Variants in TAF13 observed in about 807,000 individuals in gnomAD.
The protein encoded by TAF13 is TATA-box binding protein associated factor 13.
A neutral mutation model predicts 18.7 loss-of-function variants in TAF13; 9 were observed. The ratio of observed to expected loss-of-function variants is 0.48; its 90% CI spans 0.29 to 0.84. The LOEUF (loss-of-function observed/expected upper bound fraction) is 0.84, where lower values mean the gene tolerates loss of function less well. TAF13 is among the 40% of genes least tolerant of loss of function. The pLI, the probability that TAF13 is intolerant of heterozygous loss-of-function variation, is 0.08. For missense variants in TAF13, 105 were observed against 146.5 expected, an observed-to-expected ratio of 0.72 and a Z score of 1.46; for synonymous variants, 49 against 44.1, an observed-to-expected ratio of 1.11 and a Z score of -0.44.
At position 109,076,000 on chromosome 1, in the gene TAF13, C is replaced by T; in HGVS notation, c.-53G>A. 3 of 1,613,846 alleles carry T rather than the reference C, an allele frequency of 1.9e-6. No homozygotes were observed. Among genetic ancestry groups the T allele is most frequent in the Non-Finnish European group, 1.7e-6 (2 of 1,179,848 alleles). ...CTGCCGGCTGGCTCCCAGCTGGTTA[C>T]ACTACTTCCGCCGCCTCACTTCCGG... On this transcript the variant is annotated 5_prime_UTR_variant, in exon 1 of 4. Coordinates refer to ENST00000338366, the MANE Select transcript of TAF13 (RefSeq NM_005645.4).
intron 2 of TAF13, among the ~76,000 whole-genome samples, chr1:109,072,743 C>G (rs115948851): frequency 1.3e-3 from 197 of 150,148 alleles, no homozygotes; most frequent in African/African-American, 4.5e-3. Flanking sequence ...CTGCATCTAG[C>G]CTCCATGTCA....
intron 2 of TAF13, among the ~76,000 whole-genome samples, chr1:109,072,083 CATATATAT>C (rs1198567507): frequency 2.0e-4 from 1 of 5,076 alleles, no homozygotes; most frequent in African/African-American, 6.5e-4. Flanking sequence ...TATACACACA[CATATATAT>C]ATATATATAT....
intron 2 of TAF13, among the ~76,000 whole-genome samples, chr1:109,069,714 G>T (rs867391131): frequency 6.6e-6 from 1 of 151,918 alleles, no homozygotes; most frequent in Middle Eastern, 3.4e-3. Context: ...CTATTTAGAA[G>T]AAGTAAAAAC....
At chr1:109,073,806 G>A (rs1239703169) in intron 2 of TAF13, among the ~76,000 whole-genome samples, 2 of 152,208 alleles carry the variant, frequency 1.3e-5, no homozygotes, top group African/African-American at 4.8e-5. Flanking sequence ...GAATTGAGGA[G>A]CGTCTCTGCC....
chr1:109,074,453 G>A (rs1229811390), intron 2 of TAF13, among the ~76,000 whole-genome samples: 2 of 151,988 alleles, frequency 1.3e-5, no homozygotes, highest in South Asian at 2.1e-4. Flanking sequence ...AGGCCGCAGG[G>A]TCCTCTGCCT....
Position 109,064,358 on chromosome 1 carries a change from G to T in TAF13, c.*165C>A, listed in dbSNP as rs1663914787. The T allele has an allele frequency of 2.0e-6, 1 of 509,726 alleles. No homozygotes were observed. The highest frequency in any genetic ancestry group is 3.1e-6 in the Non-Finnish European group (1 of 321,766). The allele number at this position is 509,726 out of a possible 1,614,324, so 31.6% of individuals were successfully genotyped here. A position where few individuals can be genotyped will look rare whatever the true frequency, so the allele number is the denominator to read the frequency against. On this transcript the variant is annotated 3_prime_UTR_variant, in exon 4 of 4. Transcript: ENST00000338366. ...GTAATATAAAGGCAGGCAATTACATGCACCAATATCACCCTAAAATCAAAG... is the reference window on the plus strand; with the variant it reads ...GTAATATAAAGGCAGGCAATTACATTCACCAATATCACCCTAAAATCAAAG...
chr1:109,066,952 C>T (rs1663961171), intron 2 of TAF13, among the ~76,000 whole-genome samples: 1 of 152,082 alleles, frequency 6.6e-6, no homozygotes, highest in South Asian at 2.1e-4. Context: ...ATGATCTGAC[C>T]TGGTGATCTG....
intron 2 of TAF13, among the ~76,000 whole-genome samples, chr1:109,071,207 G>C (rs1337610321): frequency 6.6e-6 from 1 of 152,110 alleles, no homozygotes; most frequent in Non-Finnish European, 1.5e-5. Flanking sequence ...TTGGGAGGCC[G>C]AGTGGGGTGG....
chr1:109,070,942 A>G (rs1312991992), intron 2 of TAF13, among the ~76,000 whole-genome samples: 2 of 152,218 alleles, frequency 1.3e-5, no homozygotes, highest in African/African-American at 4.8e-5. Flanking sequence ...AGCATCAGAG[A>G]AATGAAATAA....
chr1:109,073,385 A>G (rs1230451675), intron 2 of TAF13, among the ~76,000 whole-genome samples: 1 of 151,874 alleles, frequency 6.6e-6, no homozygotes, highest in African/African-American at 2.4e-5. Flanking sequence ...AAAAAATACA[A>G]AAAAAGCTCT....
chr1:109,067,228 C>T (rs1663966483), intron 2 of TAF13, among the ~76,000 whole-genome samples: 1 of 152,064 alleles, frequency 6.6e-6, no homozygotes, highest in Non-Finnish European at 1.5e-5. Flanking sequence ...GAGGCCCAGG[C>T]AAGTAGACTG....
chr1:109,064,383 G>C lies in TAF13; in HGVS notation c.*140C>G. 1 of 707,532 alleles carries C rather than the reference G, an allele frequency of 1.4e-6. No individual in the cohort carries two copies. 43.8% of individuals were successfully genotyped at this position (707,532 alleles called of 1,614,324 possible). A position where few individuals can be genotyped will look rare whatever the true frequency, so the allele number is the denominator to read the frequency against. ...GCACCAATATCACCCTAAAATCAAA[G>C]GCATAAAAATAAAGGCTGAAAACTT... On this transcript the variant is annotated 3_prime_UTR_variant, in exon 4 of 4. Coordinates refer to ENST00000338366, the MANE Select transcript of TAF13 (RefSeq NM_005645.4).
At chr1:109,067,451 A>C (rs562562617) in intron 2 of TAF13, among the ~76,000 whole-genome samples, 23 of 151,756 alleles carry the variant, frequency 1.5e-4, no homozygotes, top group East Asian at 9.7e-4. Context: ...AAAAAAAAAA[A>C]ACACAAAAGT....
intron 2 of TAF13, among the ~76,000 whole-genome samples, chr1:109,073,285 A>G (rs1203150119): frequency 6.6e-6 from 1 of 151,018 alleles, no homozygotes; most frequent in African/African-American, 2.4e-5. Context: ...CACGCCTGTA[A>G]TCCCAGCACT....
At chr1:109,065,562 T>C (rs1417165300) in intron 3 of TAF13, among the ~76,000 whole-genome samples, 1 of 151,434 alleles carries the variant, frequency 6.6e-6, no homozygotes. Flanking sequence ...AAAAAACCTA[T>C]GTTGGATAAT....
At chr1:109,071,443 G>GAA (rs1164517886) in intron 2 of TAF13, among the ~76,000 whole-genome samples, 9 of 124,786 alleles carry the variant, frequency 7.2e-5, no homozygotes, top group African/African-American at 1.5e-4. Context: ...TCCATCTCAG[G>GAA]AAAAAAAAAA....
intron 2 of TAF13, among the ~76,000 whole-genome samples, chr1:109,071,267 C>T (rs1664046261): frequency 1.3e-5 from 2 of 151,938 alleles, no homozygotes; most frequent in South Asian, 2.1e-4. Context: ...ATGGTGAAAC[C>T]CGTTTCTACT....
chr1:109,066,352 C>T, intron 2 of TAF13, 120 bp from the exon 3 acceptor site: 1 of 750,650 alleles, frequency 1.3e-6, no homozygotes, highest in South Asian at 2.0e-5. Context: ...AACATATTTA[C>T]ATCGTATTTG....
intron 2 of TAF13, 47 bp from the exon 3 acceptor site, chr1:109,066,279 C>G (rs1201017127): frequency 7.0e-7 from 1 of 1,435,612 alleles, no homozygotes; most frequent in Non-Finnish European, 9.5e-7. Flanking sequence ...ACAGATTTAA[C>G]AATTTGATAC....
Sources: gnomAD v4.1 joint callset for allele counts (sites outside exome capture counted in the v4.1 genomes callset) on GRCh38, gnomAD v4.1.1 for gene constraint, MANE v1.5 for transcripts, NCBI Gene and HGNC (gene_info 2026-07-23, HGNC 2026-07-21) for gene names.